Variants in MRPL1 observed in about 807,000 individuals in gnomAD.
MRPL1 encodes large ribosomal subunit protein uL1m.
MRPL1 carries 28 observed loss-of-function variants against 38.0 expected under a neutral mutation model. The ratio of observed to expected loss-of-function variants is 0.74; its 90% confidence interval spans 0.55 to 1.01. The LOEUF is 1.01. Among genes scored for constraint, MRPL1 ranks in the 50% least tolerant of loss-of-function variants. MRPL1 has a pLI of 0.00. For synonymous variants in MRPL1, 123 were observed against 126.7 expected (o/e 0.97, Z 0.20); for missense variants, 358 against 389.8 (o/e 0.92, Z 0.69).
chr4:77,918,231 T>C (rs1332854259), intron 7 of MRPL1, among the ~76,000 whole-genome samples: 1 of 152,102 alleles, frequency 6.6e-6, no homozygotes, highest in Non-Finnish European at 1.5e-5. Flanking sequence ...ATAACATGCA[T>C]GATGATCAGT....
intron 1 of MRPL1, among the ~76,000 whole-genome samples, chr4:77,870,504 A>G: frequency 6.6e-6 from 1 of 152,216 alleles, no homozygotes; most frequent in East Asian, 1.9e-4. Flanking sequence ...AAAGGCACAC[A>G]TAAAATCTCA....
intron 1 of MRPL1, among the ~76,000 whole-genome samples, chr4:77,868,985 AGGT>A (rs1395912309): frequency 6.6e-6 from 1 of 152,226 alleles, no homozygotes; most frequent in Non-Finnish European, 1.5e-5. Context: ...TTACTAATAT[AGGT>A]GGAAAAGAAA....
In MRPL1 at chr4:77,909,371, C is replaced by G. The variant is rs1000483787; in HGVS notation, c.776C>G (p.Thr259Arg). 2 of 1,486,664 alleles carry G rather than the reference C, an allele frequency of 1.3e-6. No homozygotes were observed. Among genetic ancestry groups the G allele is most frequent in the Non-Finnish European group, 1.9e-6 (2 of 1,073,496 alleles). The allele number at this position is 1,486,664 out of a possible 1,614,324, so 92.1% of individuals were successfully genotyped here. ...AACTTTCTCCAGACCAAAATAGCAA[C>G]AGTAAGTTACAATGAAAATTATCAA... Reference protein sequence around the residue: ...RENFLQTKIATLDMSSDQIAA... With the variant: ...RENFLQTKIARLDMSSDQIAA... Residue 259 changes from threonine (T) to arginine (R), a missense_variant and splice_region_variant, in exon 7 of 9, where the codon ACA becomes AGA. Thr to Arg is a moderately conservative substitution (Grantham distance 71). Coordinates refer to ENST00000315567, the MANE Select transcript of MRPL1 (RefSeq NM_020236.4).
intron 7 of MRPL1, among the ~76,000 whole-genome samples, chr4:77,943,302 T>G (rs1376989736): frequency 6.6e-6 from 1 of 152,162 alleles, no homozygotes; most frequent in African/African-American, 2.4e-5. Flanking sequence ...TCCTCACAGC[T>G]TTTAAGATCC....
At chr4:77,876,434 T>C (rs1735398948) in intron 2 of MRPL1, among the ~76,000 whole-genome samples, 1 of 152,236 alleles carries the variant, frequency 6.6e-6, no homozygotes, top group African/African-American at 2.4e-5. Flanking sequence ...AAATGTTTCA[T>C]TTGTGTCTAC....
chr4:77,909,402 C>T, intron 7 of MRPL1, 30 bp downstream of exon 7: 2 of 1,298,244 alleles, frequency 1.5e-6, no homozygotes, highest in Non-Finnish European at 2.2e-6. Flanking sequence ...ATCAAATAAT[C>T]CTCTTTTTTT....
At chr4:77,904,710 T>C (rs1736115156) in intron 6 of MRPL1, among the ~76,000 whole-genome samples, 1 of 152,192 alleles carries the variant, frequency 6.6e-6, no homozygotes, top group Non-Finnish European at 1.5e-5. Context: ...GGTTCAGAAA[T>C]GGACCTAAAC....
chr4:77,906,895 TTAGTA>T (rs1389794345), intron 6 of MRPL1: 2 of 861,872 alleles, frequency 2.3e-6, no homozygotes, highest in Non-Finnish European at 2.8e-6. Context: ...CTGAAAAAAC[TTAGTA>T]TTTTTTAGTA....
chr4:77,892,886 T>C (rs1327625813), intron 5 of MRPL1, among the ~76,000 whole-genome samples: 1 of 152,242 alleles, frequency 6.6e-6, no homozygotes, highest in East Asian at 1.9e-4. Flanking sequence ...TCAAGGTTTG[T>C]TATGAAGACT....
At chr4:77,927,296 G>A (rs1379018688) in intron 7 of MRPL1, among the ~76,000 whole-genome samples, 2 of 152,020 alleles carry the variant, frequency 1.3e-5, no homozygotes, top group South Asian at 2.1e-4. Context: ...GTTTTAAAAG[G>A]TTGTTTTCTA....
chr4:77,911,533 T>G (rs530732985), intron 7 of MRPL1, among the ~76,000 whole-genome samples: 2 of 152,238 alleles, frequency 1.3e-5, no homozygotes, highest in East Asian at 3.9e-4. Flanking sequence ...AGATTCCTGT[T>G]GTCTTGATTC....
At chr4:77,863,774 C>A (rs1735060049) in intron 1 of MRPL1, among the ~76,000 whole-genome samples, 1 of 151,984 alleles carries the variant, frequency 6.6e-6, no homozygotes. Context: ...GCCTGTGCAA[C>A]GCTTTTTGCT....
At chr4:77,915,536 A>G (rs1178231741) in intron 7 of MRPL1, among the ~76,000 whole-genome samples, 1 of 151,592 alleles carries the variant, frequency 6.6e-6, no homozygotes, top group Non-Finnish European at 1.5e-5. Context: ...TCAGCTCCTT[A>G]ACCCAGTAGC....
Position 77,879,624 on chromosome 4 carries a change from C to T in MRPL1, c.144-3618C>T, listed in dbSNP as rs147830165. Among the ~76,000 whole-genome samples, 47 of 152,306 alleles carry T rather than the reference C, an allele frequency of 3.1e-4. No homozygotes were observed. The East Asian group carries it at 9.1e-3, about 29-fold the overall frequency. ...TGTAAAGTAAGCCTGGAGGCTACAG[C>T]TAGAACATTTTGTTATTTTAAATAG... On this transcript the variant is annotated intron_variant, in intron 2 of 8. Transcript: ENST00000315567.
chr4:77,909,266 A>C lies in MRPL1; in HGVS notation c.671A>C (p.Asn224Thr). The C allele has an allele frequency of 6.3e-7, 1 of 1,591,008 alleles. No homozygotes were observed. The highest frequency in any genetic ancestry group is 1.3e-5 in the African/African-American group (1 of 74,354). The change falls in exon 7 of 9, where the codon AAT becomes ACT. Residue 224 changes from asparagine to threonine, a missense_variant and splice_region_variant. Physicochemically the swap from Asn to Thr is moderately conservative, Grantham distance 65. Transcript: ENST00000315567. ...LNKKYPKLSR[N>T]SIGRDIPKML... ...TGTGGATTTTACTTTTTCTAACTAG[A>C]TTCCATTGGCCGTGACATCCCCAAA...
intron 1 of MRPL1, among the ~76,000 whole-genome samples, chr4:77,869,775 T>C (rs935188362): frequency 4.6e-5 from 7 of 152,092 alleles, no homozygotes; most frequent in African/African-American, 1.7e-4. Context: ...GCGTTTTTAG[T>C]AGAGACAGTT....
intron 4 of MRPL1, among the ~76,000 whole-genome samples, chr4:77,886,213 G>A (rs1322889487): frequency 6.6e-6 from 1 of 152,108 alleles, no homozygotes; most frequent in South Asian, 2.1e-4. Flanking sequence ...CTGTTGTCCA[G>A]GCTGGAGTAC....
intron 7 of MRPL1, among the ~76,000 whole-genome samples, chr4:77,944,367 C>A (rs984147177): frequency 6.6e-6 from 1 of 152,210 alleles, no homozygotes; most frequent in East Asian, 1.9e-4. Context: ...TTACCTTATG[C>A]TGGTCCCTCT....
chr4:77,907,109 G>C, intron 6 of MRPL1: 1 of 985,330 alleles, frequency 1.0e-6, no homozygotes, highest in Non-Finnish European at 1.2e-6. Flanking sequence ...AGACTTGCTT[G>C]AGCATGGTGG....
Sources: gnomAD v4.1 joint callset for allele counts (sites outside exome capture counted in the v4.1 genomes callset) on GRCh38, gnomAD v4.1.1 for gene constraint, MANE v1.5 for transcripts, NCBI Gene and HGNC (gene_info 2026-07-23, HGNC 2026-07-21) for gene names.